TMEM130: variants seen among roughly 807,000 people sequenced by gnomAD.
TMEM130 encodes transmembrane protein 130.
Under a neutral mutation model 42.9 loss-of-function variants are expected in TMEM130, and 37 were observed. The ratio of observed to expected loss-of-function variants is 0.86; its 90% CI spans 0.66 to 1.13. The LOEUF (loss-of-function observed/expected upper bound fraction) is 1.13, where lower values mean the gene tolerates loss of function less well. TMEM130 is among the 50% of genes most tolerant of loss of function. TMEM130 has a pLI of 0.00. For missense variants in TMEM130, 545 were observed against 562.6 expected (o/e 0.97, Z 0.32); for synonymous variants, 259 against 237.7 (o/e 1.09, Z -0.82).
Position 98,848,644 on chromosome 7 carries a change from A to G in TMEM130, c.1058T>C (p.Met353Thr). ...GGTCATGTACATGATGAAGGCCAAC[A>G]TCACAGTGATAAGTGTAGCACATGG... Reference protein sequence around the residue: ...AFPCATLITVMLAFIMYMTLR... With the variant: ...AFPCATLITVTLAFIMYMTLR... The change falls in exon 7 of 8, where the codon ATG (methionine) becomes ACG (threonine). Residue 353 changes from methionine to threonine, a missense_variant. Transcript: ENST00000339375. 6.2e-7 allele frequency: 1 copy of G among 1,614,176 alleles called. No homozygotes were observed. The highest frequency in any genetic ancestry group is 8.5e-7 in the Non-Finnish European group (1 of 1,180,014).
chr7:98,856,275 G>T, intron 3 of TMEM130, 92 bp from the exon 4 acceptor site: 1 of 1,308,142 alleles, frequency 7.6e-7, no homozygotes, highest in Non-Finnish European at 1.1e-6. Flanking sequence ...ACTTGCCAGA[G>T]TCAGGGGAGG....
Position 98,863,223 on chromosome 7 carries a change from C to A in TMEM130, c.263G>T (p.Gly88Val). 6.2e-7 allele frequency: 1 copy of A among 1,614,120 alleles called. No homozygotes were observed. Among genetic ancestry groups the A allele is most frequent in the Non-Finnish European group, 8.5e-7 (1 of 1,180,024 alleles). Residue 88 changes from glycine (G) to valine (V), a missense_variant, in exon 2 of 8, where the codon GGT becomes GTT. Gly to Val is a moderately radical substitution (Grantham distance 109). Coordinates refer to ENST00000339375, the MANE Select transcript of TMEM130 (RefSeq NM_152913.3). ...PLVLTGKMEKGLSSTIRVVGH... is the reference protein window; with the variant it reads ...PLVLTGKMEKVLSSTIRVVGH... The stretch of plus-strand genomic sequence containing the variant: ...GACCACACGGATGGTGGAGCTGAGA[C>A]CCTTCTCCATCTTGCCAGTAAGCAC...
chr7:98,849,564 C>A (rs1361626519), intron 6 of TMEM130, among the ~76,000 whole-genome samples: 2 of 151,786 alleles, frequency 1.3e-5, no homozygotes, highest in African/African-American at 4.8e-5. Context: ...TAAGCCAGGG[C>A]CAAGATTGAG....
intron 5 of TMEM130, among the ~76,000 whole-genome samples, 160 bp downstream of exon 5, chr7:98,855,080 A>G (rs1794595839): frequency 6.6e-6 from 1 of 152,234 alleles, no homozygotes; most frequent in Admixed American, 6.5e-5. Flanking sequence ...AGCTGAGCCC[A>G]TGCTCTCCCC....
intron 4 of TMEM130, 134 bp downstream of exon 4, chr7:98,855,883 T>C: frequency 1.9e-6 from 2 of 1,052,332 alleles, no homozygotes; most frequent in Non-Finnish European, 1.3e-6. Flanking sequence ...GCAGGGTTAA[T>C]GATAGACGCT....
chr7:98,851,747 G>A (rs535359642), intron 5 of TMEM130, 124 bp from the exon 6 acceptor site: 45 of 832,768 alleles, frequency 5.4e-5, no homozygotes, highest in Admixed American at 1.4e-4. Context: ...ACATCAAGCC[G>A]TCCTGGACTC....
chr7:98,851,329 C>T (rs1554398178), intron 6 of TMEM130, 92 bp downstream of exon 6: 3 of 1,339,188 alleles, frequency 2.2e-6, no homozygotes, highest in African/African-American at 2.9e-5. Flanking sequence ...CTTGGTAAGG[C>T]TGGCTGGTAG....
At chr7:98,855,365 G>A in intron 4 of TMEM130, 41 bp from the exon 5 acceptor site, 1 of 1,572,600 alleles carries the variant, frequency 6.4e-7, no homozygotes, top group Non-Finnish European at 8.7e-7. Flanking sequence ...GGTGGCTAAG[G>A]ATTGCTGTCG....
rs567515438 is a variant in TMEM130 at position 98,847,815 on chromosome 7, G to A, written c.*241C>T. 4 of 395,232 alleles carry A rather than the reference G, an allele frequency of 1.0e-5. No individual in the cohort carries two copies. Among genetic ancestry groups the A allele is most frequent in the Non-Finnish European group, 1.3e-5 (3 of 222,566 alleles). 24.5% of individuals were successfully genotyped at this position (395,232 alleles called of 1,614,324 possible). On this transcript the variant is annotated 3_prime_UTR_variant, in exon 8 of 8. Coordinates refer to ENST00000339375, the MANE Select transcript of TMEM130 (RefSeq NM_152913.3). ...CTCTTCAAAGGTAGGGGGTCAAGGGGGTGGTAACCGAGTGGGGCTTATGTC... is the reference window on the plus strand; with the variant it reads ...CTCTTCAAAGGTAGGGGGTCAAGGGAGTGGTAACCGAGTGGGGCTTATGTC...
In TMEM130 at chr7:98,860,316, A is replaced by G; in HGVS notation, c.414T>C (p.Val138=). ...AGGGTAGGGAAGTGTTCTGGGTGAC[A>G]ACAAGGTCCCCCACGAGGAACTCTG... ...PITEFLVGDL[V]VTQNTSLPWP... Residue 138 remains valine, a synonymous_variant, in exon 3 of 8, where the codon GTT becomes GTC. Coordinates refer to ENST00000339375, the MANE Select transcript of TMEM130 (RefSeq NM_152913.3). The G allele has an allele frequency of 1.3e-6, 2 of 1,598,260 alleles. No homozygotes were observed. Among genetic ancestry groups the G allele is most frequent in the Non-Finnish European group, 1.7e-6 (2 of 1,170,770 alleles).
chr7:98,863,215 A>T lies in TMEM130; in HGVS notation c.271T>A (p.Ser91Thr). 1 of 1,614,092 alleles carries T rather than the reference A, an allele frequency of 6.2e-7. No individual in the cohort carries two copies. Among genetic ancestry groups the T allele is most frequent in the Non-Finnish European group, 8.5e-7 (1 of 1,180,016 alleles). The change falls in exon 2 of 8, where the codon TCC becomes ACC. Residue 91 changes from serine (S) to threonine (T), a missense_variant. Coordinates refer to ENST00000339375, the MANE Select transcript of TMEM130 (RefSeq NM_152913.3). ...LTGKMEKGLS[S>T]TIRVVGHVPG... ...ACGTGGCCGACCACACGGATGGTGG[A>T]GCTGAGACCCTTCTCCATCTTGCCA...
chr7:98,850,681 T>C (rs756045969), intron 6 of TMEM130, among the ~76,000 whole-genome samples: 1 of 152,074 alleles, frequency 6.6e-6, no homozygotes, highest in Non-Finnish European at 1.5e-5. Context: ...CCCAGAGTCC[T>C]GGGAGCCACC....
chr7:98,846,549 G>A lies in TMEM130; in HGVS notation c.*1507C>T, dbSNP rs1794357698. ...TTTAGCAACAATGGCAGTATTTCAT[G>A]AGAATGAGCTGCACAATAGTGTAAA... On this transcript the variant is annotated 3_prime_UTR_variant, in exon 8 of 8. Coordinates refer to ENST00000339375, the MANE Select transcript of TMEM130 (RefSeq NM_152913.3). 1 of 152,184 alleles carries A rather than the reference G, an allele frequency of 6.6e-6. No individual in the cohort carries two copies. The highest frequency in any genetic ancestry group is 6.6e-5 in the Admixed American group (1 of 15,264). The allele number at this position is 152,184 out of a possible 1,614,324, so 9.4% of individuals were successfully genotyped here.
chr7:98,863,225 C>A lies in TMEM130; in HGVS notation c.261G>T (p.Lys87Asn), dbSNP rs200706953. 1 of 1,614,144 alleles carries A rather than the reference C, an allele frequency of 6.2e-7. No homozygotes were observed. The highest frequency in any genetic ancestry group is 1.7e-5 in the Admixed American group (1 of 60,022). Residue 87 changes from lysine (K) to asparagine (N), a missense_variant, in exon 2 of 8, where the codon AAG becomes AAT. Physicochemically the swap from Lys to Asn is moderately conservative, Grantham distance 94. Coordinates refer to ENST00000339375, the MANE Select transcript of TMEM130 (RefSeq NM_152913.3). ...CCACACGGATGGTGGAGCTGAGACC[C>A]TTCTCCATCTTGCCAGTAAGCACCA... ...TPLVLTGKME[K>N]GLSSTIRVVG... is the part of the protein sequence containing the mutation.
intron 1 of TMEM130, chr7:98,866,918 C>A (rs961925313): frequency 4.0e-5 from 6 of 148,402 alleles, no homozygotes; most frequent in Non-Finnish European, 7.4e-5. Flanking sequence ...ACAGCGACAC[C>A]CATTCTCTAC....
chr7:98,857,268 A>G (rs1554399158), intron 3 of TMEM130, among the ~76,000 whole-genome samples: 2 of 152,162 alleles, frequency 1.3e-5, no homozygotes, highest in African/African-American at 2.4e-5. Context: ...TTTCAGGATA[A>G]TATCGATGGA....
chr7:98,850,267 A>ATTTTTTTTTTTTTT (rs1161479294), intron 6 of TMEM130, among the ~76,000 whole-genome samples: 27 of 28,790 alleles, frequency 9.4e-4, no homozygotes, highest in Non-Finnish European at 1.6e-3. Flanking sequence ...ATATATATAT[A>ATTTTTTTTTTTTTT]TATATATTTT....
Position 98,856,060 on chromosome 7 carries a change from C to T in TMEM130, c.675G>A (p.Val225=). ...EEVEPDATRA[V]KQKTGDFSAS... ...CGGAGAAGTCCCCGGTCTTCTGCTT[C>T]ACAGCCCTCGTGGCATCCGGCTCCA... is the stretch of plus-strand genomic sequence containing the variant. The change falls in exon 4 of 8, where the codon GTG becomes GTA. Residue 225 remains valine (V), a synonymous_variant. Transcript: ENST00000339375. The T allele has an allele frequency of 6.2e-7, 1 of 1,613,834 alleles. No individual in the cohort carries two copies. The highest frequency in any genetic ancestry group is 8.5e-7 in the Non-Finnish European group (1 of 1,180,042).
chr7:98,862,686 G>A (rs1434210076), intron 2 of TMEM130, among the ~76,000 whole-genome samples: 1 of 152,030 alleles, frequency 6.6e-6, no homozygotes, highest in Non-Finnish European at 1.5e-5. Context: ...TTTTAGTGGA[G>A]ACGGGGTTTT....
Sources: gnomAD v4.1 joint callset for allele counts (sites outside exome capture counted in the v4.1 genomes callset) on GRCh38, gnomAD v4.1.1 for gene constraint, MANE v1.5 for transcripts, NCBI Gene and HGNC (gene_info 2026-07-23, HGNC 2026-07-21) for gene names.